BAZ2B: variants seen among roughly 807,000 people sequenced by gnomAD.
BAZ2B encodes bromodomain adjacent to zinc finger domain 2B, also known as bromodomain adjacent to zinc finger domain protein 2B.
A neutral mutation model predicts 246.0 loss-of-function variants in BAZ2B; 91 were observed. That is an observed-to-expected ratio of 0.37 (90% CI 0.31 to 0.44). The LOEUF is 0.44. Among genes scored for constraint, BAZ2B ranks in the 20% least tolerant of loss-of-function variants. The pLI is 1.00. For missense variants in BAZ2B, 2,332 were observed against 2,533.7 expected, an observed-to-expected ratio of 0.92 and a Z score of 1.71; for synonymous variants, 855 against 860.0, an observed-to-expected ratio of 0.99 and a Z score of 0.10.
chr2:159,638,014 A>G, the BAZ2B span, among the ~76,000 whole-genome samples: 1 of 152,254 alleles, frequency 6.6e-6, no homozygotes, highest in Non-Finnish European at 1.5e-5. Context: ...CTGCAGTAAC[A>G]GTAGTGGTGG....
chr2:159,403,675 T>C (rs986059203), intron 16 of BAZ2B, among the ~76,000 whole-genome samples: 30 of 152,182 alleles, frequency 2.0e-4, no homozygotes, highest in African/African-American at 7.2e-4. Flanking sequence ...GAATTCAAGT[T>C]GACAACTGCT....
chr2:159,660,996 G>A, the BAZ2B span, among the ~76,000 whole-genome samples: 16 of 152,222 alleles, frequency 1.1e-4, no homozygotes, highest in South Asian at 3.1e-3. Context: ...TTTGACTTAT[G>A]AATATACTTG....
the BAZ2B span, among the ~76,000 whole-genome samples, chr2:159,696,254 C>T: frequency 1.3e-5 from 2 of 152,218 alleles, no homozygotes; most frequent in Admixed American, 1.3e-4. Flanking sequence ...ACAAGATTCC[C>T]AGTTCAAAAA....
chr2:159,533,444 T>C (rs765670112), intron 2 of BAZ2B, among the ~76,000 whole-genome samples: 1 of 152,184 alleles, frequency 6.6e-6, no homozygotes, highest in Non-Finnish European at 1.5e-5. Context: ...TTTTCCAAAA[T>C]GAAAGTGCTA....
chr2:159,712,014 G>T, the BAZ2B span: 8 of 151,602 alleles, frequency 5.3e-5, no homozygotes, highest in Non-Finnish European at 1.2e-4. Context: ...AGGGAAGCAA[G>T]CGGGGAGGGG....
intron 2 of BAZ2B, among the ~76,000 whole-genome samples, chr2:159,526,727 C>T (rs2151294293): frequency 6.6e-6 from 1 of 151,988 alleles, no homozygotes; most frequent in Middle Eastern, 3.4e-3. Context: ...ATGAAACAAG[C>T]CTCTAGAGAA....
chr2:159,378,428 CAG>C (rs1172235605), intron 25 of BAZ2B, among the ~76,000 whole-genome samples: 9 of 151,956 alleles, frequency 5.9e-5, no homozygotes, highest in Non-Finnish European at 4.4e-5. Context: ...ATGAAAAACA[CAG>C]GGAATAAAAG....
At chr2:159,486,283 A>C (rs948409887) in intron 2 of BAZ2B, among the ~76,000 whole-genome samples, 1 of 152,060 alleles carries the variant, frequency 6.6e-6, no homozygotes, top group African/African-American at 2.4e-5. Flanking sequence ...TAACTAAGAA[A>C]CACAATTAAA....
intron 6 of BAZ2B, among the ~76,000 whole-genome samples, chr2:159,442,159 C>T (rs2073526955): frequency 6.6e-6 from 1 of 152,072 alleles, no homozygotes; most frequent in Admixed American, 6.6e-5. Context: ...TGGGGTTTTG[C>T]TTTACATGTA....
rs1692677900 is a variant in BAZ2B, at chr2:159,603,535, ACCCATTTCTT to A, written c.-46+12697_-46+12706del. Among the ~76,000 whole-genome samples, 5 of 151,850 alleles carry A rather than the reference ACCCATTTCTT, an allele frequency of 3.3e-5. No individual in the cohort carries two copies. The South Asian group carries it at 1.0e-3, about 32-fold the overall frequency. ...ATTATCAGTCTAACATGGATCTGGAACCCATTTCTTCCCATTTCTTACAGAATCTCTGAAT... is the reference window on the plus strand; with the variant it reads ...ATTATCAGTCTAACATGGATCTGGAACCCATTTCTTACAGAATCTCTGAAT... On this transcript the variant is annotated intron_variant, in intron 1 of 36. Transcript: ENST00000392783.
the BAZ2B span, among the ~76,000 whole-genome samples, chr2:159,700,236 G>T: frequency 1.3e-5 from 2 of 152,166 alleles, no homozygotes; most frequent in African/African-American, 4.8e-5. Context: ...GGAGGAATTA[G>T]TTCCACAACC....
intron 11 of BAZ2B, among the ~76,000 whole-genome samples, chr2:159,428,992 A>T (rs1430422456): frequency 2.0e-5 from 3 of 151,980 alleles, no homozygotes; most frequent in African/African-American, 7.2e-5. Context: ...ATCCCACCCC[A>T]GCTCTGCCAT....
intron 2 of BAZ2B, among the ~76,000 whole-genome samples, chr2:159,492,692 T>C (rs949171041): frequency 1.3e-5 from 2 of 152,230 alleles, no homozygotes; most frequent in African/African-American, 4.8e-5. Context: ...TATTAAGTTA[T>C]AAAATCTGGA....
chr2:159,469,906 CAA>C (rs2150773921), intron 3 of BAZ2B, among the ~76,000 whole-genome samples: 1 of 152,234 alleles, frequency 6.6e-6, no homozygotes, highest in Admixed American at 6.5e-5. Flanking sequence ...TTGAAAAACA[CAA>C]GAGAGGCAGG....
chr2:159,409,264 G>A (rs1254395547), intron 14 of BAZ2B, among the ~76,000 whole-genome samples: 1 of 152,032 alleles, frequency 6.6e-6, no homozygotes, highest in African/African-American at 2.4e-5. Flanking sequence ...ACTGATAACT[G>A]GCAGCTCTTT....
At chr2:159,604,370 G>A (rs1317871863) in intron 1 of BAZ2B, among the ~76,000 whole-genome samples, 1 of 152,078 alleles carries the variant, frequency 6.6e-6, no homozygotes, top group Non-Finnish European at 1.5e-5. Flanking sequence ...AGCCTCTCGA[G>A]TAGCTGGGAT....
intron 25 of BAZ2B, among the ~76,000 whole-genome samples, chr2:159,380,193 T>C (rs940095016): frequency 3.9e-5 from 6 of 152,150 alleles, no homozygotes; most frequent in African/African-American, 1.4e-4. Flanking sequence ...TTTCTTTCCA[T>C]CAAAAATCAT....
intron 27 of BAZ2B, among the ~76,000 whole-genome samples, chr2:159,368,130 A>C (rs1446377930): frequency 1.3e-5 from 2 of 152,116 alleles, no homozygotes; most frequent in East Asian, 3.9e-4. Flanking sequence ...AGGTTAACTG[A>C]TTCTTTTGCA....
intron 20 of BAZ2B, among the ~76,000 whole-genome samples, chr2:159,394,805 A>G (rs1488113316): frequency 2.0e-5 from 3 of 152,326 alleles, no homozygotes; most frequent in Admixed American, 6.5e-5. Context: ...TATAGATGAA[A>G]TGAATCACAG....
Sources: allele counts gnomAD v4.1 joint callset (sites outside exome capture counted in the v4.1 genomes callset), GRCh38; gene constraint gnomAD v4.1.1; transcripts MANE v1.5; gene names NCBI Gene and HGNC (gene_info 2026-07-23, HGNC 2026-07-21).